Variants in ABCA10 observed in about 807,000 individuals in gnomAD.
ABCA10 encodes ATP-binding cassette sub-family A member 10.
Under a neutral mutation model 187.5 loss-of-function variants are expected in ABCA10, and 169 were observed. That is an observed-to-expected ratio of 0.90 (90% CI 0.80 to 1.02). The LOEUF is 1.02. ABCA10 is among the 50% of genes least tolerant of loss of function. The pLI, the probability that ABCA10 is intolerant of heterozygous loss-of-function variation, is 0.00. For synonymous variants in ABCA10, 574 were observed against 601.8 expected (o/e 0.95, Z 0.68); for missense variants, 1,727 against 1,812.4 (o/e 0.95, Z 0.86).
At chr17:69,194,045 G>T in intron 12 of ABCA10, 56 bp from the exon 13 acceptor site, 1 of 1,434,454 alleles carries the variant, frequency 7.0e-7, no homozygotes, top group South Asian at 1.3e-5. Context: ...TATGCAGAGT[G>T]ATAATATATG....
chr17:69,159,191 A>G (rs190407270), intron 27 of ABCA10, among the ~76,000 whole-genome samples: 49 of 152,220 alleles, frequency 3.2e-4, no homozygotes, highest in Non-Finnish European at 6.6e-4. Context: ...TAAACTAAAT[A>G]AAGTCATATT....
chr17:69,165,286 T>C lies in ABCA10; in HGVS notation c.3163-203A>G, dbSNP rs528192155. On this transcript the variant is annotated intron_variant, in intron 25 of 38. Transcript: ENST00000690296. The stretch of plus-strand genomic sequence containing the variant: ...CATAGGATTACAATAAGGTCTGTCA[T>C]AAATACCTTAAAGATTTTGCAATAC... Among the ~76,000 whole-genome samples the C allele has an allele frequency of 2.6e-5, 4 of 152,256 alleles. No individual in the cohort carries two copies. The South Asian group carries it at 8.3e-4, about 31-fold the overall frequency.
At chr17:69,198,607 AT>A (rs2144813328) in intron 10 of ABCA10, among the ~76,000 whole-genome samples, 1 of 152,150 alleles carries the variant, frequency 6.6e-6, no homozygotes, top group South Asian at 2.1e-4. Flanking sequence ...AAAAACACCC[AT>A]TTCTGTGCAT....
chr17:69,151,014 C>T (rs1226455460), intron 36 of ABCA10, among the ~76,000 whole-genome samples: 1 of 152,138 alleles, frequency 6.6e-6, no homozygotes, highest in Non-Finnish European at 1.5e-5. Flanking sequence ...TCAACATTCT[C>T]CTAGTTTAAT....
chr17:69,153,281 A>T, intron 34 of ABCA10, 24 bp downstream of exon 34: 1 of 1,582,120 alleles, frequency 6.3e-7, no homozygotes. Context: ...CTTGACTCTG[A>T]CACTTAATAT....
intron 10 of ABCA10, among the ~76,000 whole-genome samples, chr17:69,199,762 C>A (rs1182849570): frequency 1.3e-5 from 2 of 152,116 alleles, no homozygotes; most frequent in Non-Finnish European, 2.9e-5. Context: ...TGAACCATGT[C>A]CTAAAAGACG....
At chr17:69,182,409 A>T (rs2144790010) in intron 21 of ABCA10, 119 bp from the exon 22 acceptor site, 1 of 1,019,804 alleles carries the variant, frequency 9.8e-7, no homozygotes, top group Non-Finnish European at 1.3e-6. Context: ...TTTTTCTTTG[A>T]CACTTCTGCC....
chr17:69,184,849 A>ATGTGTGTGTGTG (rs139291537), intron 20 of ABCA10, among the ~76,000 whole-genome samples: 113 of 144,160 alleles, frequency 7.8e-4, no homozygotes, highest in African/African-American at 2.8e-3. Context: ...ATATATGTAT[A>ATGTGTGTGTGTG]TGTGTGTGTG....
intron 22 of ABCA10, chr17:69,178,931 C>T (rs182114943): frequency 3.9e-5 from 6 of 152,230 alleles, no homozygotes; most frequent in African/African-American, 1.4e-4. Context: ...TTCCCTGGAT[C>T]CACAGGAGAC....
rs193269239 is a variant in ABCA10, at chr17:69,157,694, T to C, written c.3364-771A>G. Among the ~76,000 whole-genome samples the C allele has an allele frequency of 2.0e-5, 3 of 152,226 alleles. 1 individual carries two copies. In the South Asian group the frequency reaches 6.2e-4, roughly 32 times the overall value. ...ACTCTACATATATAGGCAACTGATA[T>C]ATGAATAGAAGTAGCTCTGAATATC... On this transcript the variant is annotated intron_variant, in intron 27 of 38. Coordinates refer to ENST00000690296, the MANE Select transcript of ABCA10 (RefSeq NM_001377321.1).
intron 1 of ABCA10, among the ~76,000 whole-genome samples, chr17:69,239,811 G>A (rs375573524): frequency 3.9e-5 from 6 of 152,102 alleles, no homozygotes; most frequent in East Asian, 3.9e-4. Flanking sequence ...GTATAGTGAC[G>A]TTGGCGTGCC....
chr17:69,151,097 T>C (rs2074124375), intron 36 of ABCA10, among the ~76,000 whole-genome samples: 1 of 152,226 alleles, frequency 6.6e-6, no homozygotes, highest in African/African-American at 2.4e-5. Context: ...CTCTTCCTTC[T>C]CTTGTGAGCC....
At chr17:69,171,362 C>T (rs2144775624) in intron 25 of ABCA10, among the ~76,000 whole-genome samples, 1 of 152,188 alleles carries the variant, frequency 6.6e-6, no homozygotes, top group South Asian at 2.1e-4. Context: ...TTTAAGTAGT[C>T]AATGAGTAAA....
chr17:69,181,043 A>C (rs1405015155), intron 22 of ABCA10, among the ~76,000 whole-genome samples: 1 of 152,152 alleles, frequency 6.6e-6, no homozygotes, highest in Non-Finnish European at 1.5e-5. Context: ...GCAGAATTTT[A>C]AATGACAAAG....
intron 25 of ABCA10, among the ~76,000 whole-genome samples, chr17:69,167,078 A>G (rs2074259509): frequency 6.6e-6 from 1 of 152,202 alleles, no homozygotes; most frequent in Non-Finnish European, 1.5e-5. Context: ...TTTCTGGATT[A>G]GTTCCATGGA....
In ABCA10 at chr17:69,215,296, T is replaced by C. The variant is rs551191095; in HGVS notation, c.859-445A>G. On this transcript the variant is annotated intron_variant, in intron 8 of 38. Transcript: ENST00000690296. ...GAAAAAACTAGAAAGATAATAATGA[T>C]AACAGTTAACATTTAGATAGTATGT... Among the ~76,000 whole-genome samples, 5 of 152,310 alleles carry C rather than the reference T, an allele frequency of 3.3e-5. No homozygotes were observed. In the South Asian group the frequency reaches 8.3e-4, roughly 25 times the overall value.
rs1428382826 is a variant in ABCA10, at chr17:69,225,373, T to C, written c.-15A>G. On this transcript the variant is annotated 5_prime_UTR_variant, in exon 3 of 39. Coordinates refer to ENST00000690296, the MANE Select transcript of ABCA10 (RefSeq NM_001377321.1). Reference sequence around the variant, plus strand: ...ATCTTATTCATTATCCTTTGTGTTATGTTACTGACTGGTGTATATGCCACT... The same window carrying C: ...ATCTTATTCATTATCCTTTGTGTTACGTTACTGACTGGTGTATATGCCACT... 3 of 1,612,930 alleles carry C rather than the reference T, an allele frequency of 1.9e-6. No individual in the cohort carries two copies. The highest frequency in any genetic ancestry group is 2.7e-5 in the African/African-American group (2 of 74,852).
intron 1 of ABCA10, among the ~76,000 whole-genome samples, chr17:69,239,540 C>CA (rs2074891848): frequency 6.6e-6 from 1 of 152,158 alleles, no homozygotes; most frequent in Admixed American, 6.5e-5. Context: ...ACCCTACAGA[C>CA]ACTGCCTTAT....
chr17:69,210,081 T>TTTATTATTA (rs140000472), intron 9 of ABCA10, among the ~76,000 whole-genome samples: 13,051 of 146,796 alleles, frequency 0.089, 663 homozygotes, highest in African/African-American at 0.11. Flanking sequence ...ATGCTATTAC[T>TTTATTATTA]TTATTATTAT....
Sources: allele counts gnomAD v4.1 joint callset (sites outside exome capture counted in the v4.1 genomes callset), GRCh38; gene constraint gnomAD v4.1.1; transcripts MANE v1.5; gene names NCBI Gene and HGNC (gene_info 2026-07-23, HGNC 2026-07-21).